The following TG variants were observed in gnomAD, a reference collection of about 807,000 sequenced individuals.
TG encodes thyroid hormones.
TG carries 270 observed loss-of-function variants against 324.7 expected under a neutral mutation model. The observed-to-expected ratio is 0.83, with a 90% CI of 0.75 to 0.92. The LOEUF (loss-of-function observed/expected upper bound fraction) is 0.92. TG is among the 40% of genes least tolerant of loss of function. The probability of loss-of-function intolerance (pLI) is 0.00; values close to 1 mark genes in which losing one functional copy is unlikely to be tolerated. For synonymous variants in TG, 1,401 were observed against 1,327.0 expected, an observed-to-expected ratio of 1.06 and a Z score of -1.21; for missense variants, 3,591 against 3,456.4, an observed-to-expected ratio of 1.04 and a Z score of -0.98.
chr8:132,990,418 T>A (rs142627132), intron 35 of TG, among the ~76,000 whole-genome samples: 14 of 152,194 alleles, frequency 9.2e-5, no homozygotes, highest in African/African-American at 2.9e-4. Context: ...TGTTTATCAT[T>A]TCTTTGTGTT....
At chr8:132,942,453 A>G (rs1346396405) in intron 26 of TG, among the ~76,000 whole-genome samples, 1 of 152,214 alleles carries the variant, frequency 6.6e-6, no homozygotes, top group Non-Finnish European at 1.5e-5. Flanking sequence ...GAAAAATTCT[A>G]AAGATTAGAA....
chr8:133,003,149 C>A (rs1833698912), intron 35 of TG: 1 of 429,500 alleles, frequency 2.3e-6, no homozygotes, highest in Non-Finnish European at 3.1e-6. Flanking sequence ...GAAAATAAAC[C>A]TTGAAATAAA....
chr8:133,120,603 C>T lies in TG; in HGVS notation c.7862+3887C>T, dbSNP rs1019293067. Among the ~76,000 whole-genome samples the T allele has an allele frequency of 3.3e-5, 5 of 152,122 alleles. No homozygotes were observed. The South Asian group carries it at 6.2e-4, about 19-fold the overall frequency. Reference sequence around the variant, plus strand: ...CTCATAGATATCTGTGTTCTTCGTCCGGTATTTCTTTACGTCGTCTTTCTT... The same window carrying T: ...CTCATAGATATCTGTGTTCTTCGTCTGGTATTTCTTTACGTCGTCTTTCTT... On this transcript the variant is annotated intron_variant, in intron 45 of 47. Coordinates refer to ENST00000220616, the MANE Select transcript of TG (RefSeq NM_003235.5).
chr8:133,103,318 A>G (rs1366923675), intron 43 of TG, among the ~76,000 whole-genome samples: 1 of 152,176 alleles, frequency 6.6e-6, no homozygotes, highest in Non-Finnish European at 1.5e-5. Flanking sequence ...ACACCCAGAG[A>G]GCCCTGTAGG....
Position 132,962,977 on chromosome 8 carries a change from C to G in TG, c.5468-17C>G. The G allele has an allele frequency of 6.2e-7, 1 of 1,611,812 alleles. No individual in the cohort carries two copies. The highest frequency in any genetic ancestry group is 8.5e-7 in the Non-Finnish European group (1 of 1,178,068). ...CATTCTCCCCAACATTGCAACAACT[C>G]TTTTTTTTCCTCCTAGATTCTGACA... On this transcript the variant is annotated splice_polypyrimidine_tract_variant and intron_variant, in intron 28 of 47. Transcript: ENST00000220616.
Position 132,969,439 on chromosome 8 carries a change from T to C in TG, c.5864-19T>C. ...CAGCAAATCTCTAAGTAATGTATTT[T>C]CTTTCTTCCTCTATGAAGTTATACT... is the stretch of plus-strand genomic sequence containing the variant. On this transcript the variant is annotated intron_variant, in intron 31 of 47. Transcript: ENST00000220616. 1 of 1,550,284 alleles carries C rather than the reference T, an allele frequency of 6.5e-7. No homozygotes were observed. The highest frequency in any genetic ancestry group is 8.9e-7 in the Non-Finnish European group (1 of 1,121,998).
intron 35 of TG, among the ~76,000 whole-genome samples, chr8:132,991,028 G>A (rs565916350): frequency 6.6e-6 from 1 of 151,666 alleles, no homozygotes; most frequent in African/African-American, 2.4e-5. Flanking sequence ...TGTTGTCTCG[G>A]TGGAGGCCTC....
In TG at chr8:132,888,626, T is replaced by C; in HGVS notation, c.2761+58T>C. 4 of 1,470,032 alleles carry C rather than the reference T, an allele frequency of 2.7e-6. 1 individual carries two copies. The highest frequency in any genetic ancestry group is 2.7e-5 in the South Asian group (2 of 74,984). 91.1% of individuals were successfully genotyped at this position (1,470,032 alleles called of 1,614,324 possible). A position where few individuals can be genotyped will look rare whatever the true frequency, so the allele number is the denominator to read the frequency against. On this transcript the variant is annotated intron_variant, in intron 10 of 47. Coordinates refer to ENST00000220616, the MANE Select transcript of TG (RefSeq NM_003235.5). ...GTGTGTGTGTGTGTGTGTGTGTATGTGTGTTTAACATATAAAAAAGGATGT... is the reference window on the plus strand; with the variant it reads ...GTGTGTGTGTGTGTGTGTGTGTATGCGTGTTTAACATATAAAAAAGGATGT...
intron 35 of TG, among the ~76,000 whole-genome samples, chr8:133,006,560 G>A (rs995887598): frequency 3.3e-5 from 5 of 152,206 alleles, no homozygotes; most frequent in African/African-American, 7.2e-5. Flanking sequence ...GAGGAGGCCC[G>A]TAAATAGTTG....
chr8:132,995,021 C>A, intron 35 of TG: 1 of 965,474 alleles, frequency 1.0e-6, no homozygotes, highest in Non-Finnish European at 1.2e-6. Context: ...TATGCTGTAG[C>A]GTGTGATTTT....
intron 40 of TG, among the ~76,000 whole-genome samples, chr8:133,026,400 T>C (rs1026151544): frequency 2.6e-5 from 4 of 152,166 alleles, no homozygotes; most frequent in Non-Finnish European, 5.9e-5. Flanking sequence ...AAAGGAGTCT[T>C]GGTTCCTACG....
Position 133,130,746 on chromosome 8 carries a change from T to C in TG, c.7863-1066T>C, listed in dbSNP as rs187591411. On this transcript the variant is annotated intron_variant, in intron 45 of 47. Transcript: ENST00000220616. ...ACTCCAGACATTGTCAGATAGTAAT[T>C]TGTGTTGTTTTAAGCCACTGAGTTT... Among the ~76,000 whole-genome samples, 327 of 152,206 alleles carry C rather than the reference T, an allele frequency of 2.1e-3. 1 individual carries two copies. The highest frequency in any genetic ancestry group is 3.3e-3 in the Non-Finnish European group (221 of 67,996).
intron 20 of TG, among the ~76,000 whole-genome samples, chr8:132,915,542 C>T (rs919159392): frequency 1.2e-4 from 18 of 152,012 alleles, no homozygotes; most frequent in South Asian, 2.1e-4. Flanking sequence ...CAGGATGGGG[C>T]GTAGGGAAGA....
intron 44 of TG, among the ~76,000 whole-genome samples, chr8:133,113,935 C>T (rs565718800): frequency 1.1e-4 from 16 of 152,322 alleles, no homozygotes; most frequent in South Asian, 2.1e-4. Context: ...CTGAAGCAGC[C>T]GCTCAGCAAA....
intron 43 of TG, chr8:133,106,550 C>G (rs967889013): frequency 1.3e-6 from 1 of 742,182 alleles, no homozygotes; most frequent in African/African-American, 1.9e-5. Flanking sequence ...GCCCTCATCA[C>G]TCCACTGACC....
chr8:132,954,618 C>T (rs1826584725), intron 27 of TG, among the ~76,000 whole-genome samples: 2 of 152,206 alleles, frequency 1.3e-5, no homozygotes, highest in Admixed American at 1.3e-4. Context: ...AGCTCCCAAC[C>T]CTTCCATCCT....
chr8:133,008,528 TAATC>T (rs990382293), intron 35 of TG, among the ~76,000 whole-genome samples: 1 of 152,122 alleles, frequency 6.6e-6, no homozygotes, highest in African/African-American at 2.4e-5. Context: ...AAATAAAAAT[TAATC>T]AATAAACCAT....
Position 133,134,893 on chromosome 8 carries a change from C to A in TG, c.*99C>A, listed in dbSNP as rs759134639. ...TTACCTTCAATAAAGTATCTACATG[C>A]GGTGAAGCATTGTTGACTCTAATGT... On this transcript the variant is annotated 3_prime_UTR_variant, in exon 48 of 48. Transcript: ENST00000220616. 2.2e-6 allele frequency: 2 copies of A among 901,706 alleles called. No individual in the cohort carries two copies. Among genetic ancestry groups the A allele is most frequent in the South Asian group, 1.4e-5 (1 of 73,154 alleles). The allele number at this position is 901,706 out of a possible 1,614,324, so 55.9% of individuals were successfully genotyped here.
intron 33 of TG, chr8:132,972,150 G>A (rs1424313301): frequency 4.1e-6 from 2 of 490,168 alleles, no homozygotes; most frequent in Non-Finnish European, 3.7e-6. Flanking sequence ...CAACACTTAG[G>A]CCAAGCAGCT....
Sources: gnomAD v4.1 joint callset for allele counts (sites outside exome capture counted in the v4.1 genomes callset) on GRCh38, gnomAD v4.1.1 for gene constraint, MANE v1.5 for transcripts, NCBI Gene and HGNC (gene_info 2026-07-23, HGNC 2026-07-21) for gene names.